PSMA1: variants seen among roughly 807,000 people sequenced by gnomAD.
PSMA1 encodes the protein proteasome subunit alpha type-1.
PSMA1 carries 3 observed loss-of-function variants against 38.4 expected under a neutral mutation model. The ratio of observed to expected loss-of-function variants is 0.08; its 90% CI spans 0.04 to 0.20. The LOEUF is 0.20. PSMA1 is among the 10% of genes least tolerant of loss of function. The pLI, the probability that PSMA1 is intolerant of heterozygous loss-of-function variation, is 1.00. For missense variants in PSMA1, 227 were observed against 325.3 expected (o/e 0.70, Z 2.32); for synonymous variants, 101 against 107.1 (o/e 0.94, Z 0.35).
At chr11:14,558,664 C>A (rs1029588373) in intron 2 of PSMA1, among the ~76,000 whole-genome samples, 1 of 152,076 alleles carries the variant, frequency 6.6e-6, no homozygotes, top group Admixed American at 6.5e-5. Context: ...CTAAGGTCAA[C>A]AACAATGTGA....
intron 2 of PSMA1, among the ~76,000 whole-genome samples, chr11:14,607,439 C>G (rs1176478176): frequency 6.6e-6 from 1 of 152,090 alleles, no homozygotes; most frequent in African/African-American, 2.4e-5. Flanking sequence ...TGCTTCTGAC[C>G]CCAGAATGCT....
At chr11:14,570,608 G>A (rs557083522) in intron 2 of PSMA1, among the ~76,000 whole-genome samples, 8 of 151,722 alleles carry the variant, frequency 5.3e-5, no homozygotes, top group Middle Eastern at 3.4e-3. Flanking sequence ...GAGGAAAGGA[G>A]TGATTGAAGA....
At chr11:14,560,930 G>A (rs1852000557) in intron 2 of PSMA1, among the ~76,000 whole-genome samples, 1 of 152,080 alleles carries the variant, frequency 6.6e-6, no homozygotes, top group East Asian at 1.9e-4. Flanking sequence ...ATAATCATAG[G>A]TACATACATA....
chr11:14,507,270 G>A (rs1416061075), intron 9 of PSMA1, among the ~76,000 whole-genome samples: 1 of 151,940 alleles, frequency 6.6e-6, no homozygotes, highest in Non-Finnish European at 1.5e-5. Flanking sequence ...CCGGGTTCAA[G>A]CGATTCTCCT....
chr11:14,556,843 T>C (rs1851945044), intron 2 of PSMA1, among the ~76,000 whole-genome samples: 1 of 152,194 alleles, frequency 6.6e-6, no homozygotes, highest in Non-Finnish European at 1.5e-5. Context: ...ATTTTACTTT[T>C]AAATCTATAG....
At chr11:14,573,317 A>G (rs927651163) in intron 2 of PSMA1, among the ~76,000 whole-genome samples, 1 of 152,180 alleles carries the variant, frequency 6.6e-6, no homozygotes, top group Non-Finnish European at 1.5e-5. Flanking sequence ...ATCCACCATG[A>G]TCAAGGGGGC....
chr11:14,600,532 G>A (rs1166373063), intron 2 of PSMA1, among the ~76,000 whole-genome samples: 3 of 152,220 alleles, frequency 2.0e-5, no homozygotes, highest in Non-Finnish European at 4.4e-5. Flanking sequence ...GGCTCTGTGG[G>A]TGTGGGAGCC....
rs188563230 is a variant in PSMA1 at position 14,634,488 on chromosome 11, C to T, written c.-166+8967G>A. 6.6e-4 allele frequency among the ~76,000 whole-genome samples: 100 copies of T among 150,490 alleles called. No homozygotes were observed. The East Asian group carries it at 0.018, about 28-fold the overall frequency. On this transcript the variant is annotated intron_variant, in intron 1 of 10. Transcript: ENST00000418988. ...AAGGCGAAGATTCCACTTAATTCTT[C>T]GTAAAATTTAGGCTTTTTTTTTTTT...
chr11:14,617,072 T>A (rs556818504), intron 1 of PSMA1, among the ~76,000 whole-genome samples: 1 of 152,308 alleles, frequency 6.6e-6, no homozygotes, highest in East Asian at 1.9e-4. Flanking sequence ...AGTTATCTTC[T>A]TTTCAGGCTG....
chr11:14,643,461 A>C (rs899824745), exon 1 of PSMA1: 1 of 152,272 alleles, frequency 6.6e-6, no homozygotes, highest in Non-Finnish European at 1.5e-5. Context: ...TTACCCTCAA[A>C]GAGAACCTGC....
At chr11:14,514,131 A>C (rs575232307) in intron 5 of PSMA1, 14 of 1,323,102 alleles carry the variant, frequency 1.1e-5, no homozygotes, top group Non-Finnish European at 1.3e-5. Context: ...TTTGGATACA[A>C]GGGGTCTAGG....
At chr11:14,583,527 C>G (rs1352083987) in intron 2 of PSMA1, among the ~76,000 whole-genome samples, 1 of 152,230 alleles carries the variant, frequency 6.6e-6, no homozygotes, top group Non-Finnish European at 1.5e-5. Flanking sequence ...ATCCCCAAAG[C>G]TGCTGTTGAC....
At chr11:14,630,445 C>G (rs1489250420) in intron 1 of PSMA1, among the ~76,000 whole-genome samples, 4 of 152,152 alleles carry the variant, frequency 2.6e-5, no homozygotes, top group Admixed American at 1.3e-4. Flanking sequence ...GTCTTTGGCT[C>G]TGTTTATATG....
intron 5 of PSMA1, 74 bp downstream of exon 5, chr11:14,514,329 T>C (rs1237782440): frequency 6.8e-7 from 1 of 1,466,938 alleles, no homozygotes; most frequent in Admixed American, 2.7e-5. Flanking sequence ...ATTATTATTA[T>C]ATTCCTAATA....
At chr11:14,637,094 T>C (rs941890248) in intron 1 of PSMA1, among the ~76,000 whole-genome samples, 1 of 152,148 alleles carries the variant, frequency 6.6e-6, no homozygotes, top group South Asian at 2.1e-4. Flanking sequence ...AAAGTCCAGG[T>C]TTCTCAGAAT....
intron 2 of PSMA1, among the ~76,000 whole-genome samples, chr11:14,561,064 A>G (rs150043930): frequency 4.4e-4 from 67 of 152,346 alleles, no homozygotes; most frequent in Middle Eastern, 3.4e-3. Context: ...ATGTATCACA[A>G]TGAACACATA....
At chr11:14,511,031 A>C in intron 7 of PSMA1, 80 bp from the exon 8 acceptor site, 1 of 1,010,678 alleles carries the variant, frequency 9.9e-7, no homozygotes. Context: ...CTACAGTCTC[A>C]AATTGTGGTT....
At chr11:14,546,421 T>C (rs767635551) in intron 2 of PSMA1, among the ~76,000 whole-genome samples, 10 of 152,102 alleles carry the variant, frequency 6.6e-5, no homozygotes, top group Non-Finnish European at 1.0e-4. Flanking sequence ...AATTGTTGTT[T>C]AGAGCTCTCA....
chr11:14,525,442 G>A (rs192857746), intron 2 of PSMA1, among the ~76,000 whole-genome samples: 3 of 152,046 alleles, frequency 2.0e-5, no homozygotes, highest in East Asian at 1.9e-4. Flanking sequence ...CCCGCTCAAC[G>A]CCAATATCCC....
Sources: gnomAD v4.1 joint callset for allele counts (sites outside exome capture counted in the v4.1 genomes callset) on GRCh38, gnomAD v4.1.1 for gene constraint, MANE v1.5 for transcripts, NCBI Gene and HGNC (gene_info 2026-07-23, HGNC 2026-07-21) for gene names.